The following RGS7 variants were observed in gnomAD, a reference collection of about 807,000 sequenced individuals.
RGS7 encodes regulator of G protein signaling 7, also known as regulator of G-protein signaling 7.
A neutral mutation model predicts 81.1 loss-of-function variants in RGS7; 27 were observed. The ratio of observed to expected loss-of-function variants is 0.33; its 90% confidence interval spans 0.25 to 0.46. RGS7 has a LOEUF of 0.46. Among genes scored for constraint, RGS7 ranks in the 20% least tolerant of loss-of-function variants. RGS7 has a pLI of 1.00. For missense variants in RGS7, 396 were observed against 607.4 expected, an observed-to-expected ratio of 0.65 and a Z score of 3.66; for synonymous variants, 208 against 207.7, an observed-to-expected ratio of 1.00 and a Z score of -0.01.
chr1:241,256,702 G>A (rs1427160180), intron 2 of RGS7, among the ~76,000 whole-genome samples: 2 of 152,240 alleles, frequency 1.3e-5, no homozygotes, highest in Non-Finnish European at 2.9e-5. Context: ...AGAGCACAGG[G>A]AGTGAGAACA....
intron 3 of RGS7, among the ~76,000 whole-genome samples, chr1:241,028,722 T>G (rs1023107710): frequency 6.6e-6 from 1 of 152,020 alleles, no homozygotes; most frequent in Non-Finnish European, 1.5e-5. Context: ...TTAGGATAAG[T>G]TGAAAAGCAA....
intron 2 of RGS7, among the ~76,000 whole-genome samples, chr1:241,166,036 G>A (rs2070203228): frequency 6.6e-6 from 1 of 152,146 alleles, no homozygotes; most frequent in African/African-American, 2.4e-5. Flanking sequence ...AGCCCTCCAG[G>A]TGATTCCGAT....
chr1:240,980,443 A>G (rs747700594), intron 4 of RGS7, among the ~76,000 whole-genome samples: 1 of 152,168 alleles, frequency 6.6e-6, no homozygotes, highest in Non-Finnish European at 1.5e-5. Flanking sequence ...TCAAACGACC[A>G]CTTGGCTACC....
At chr1:240,854,010 C>A (rs1558357129) in intron 9 of RGS7, among the ~76,000 whole-genome samples, 1 of 147,628 alleles carries the variant, frequency 6.8e-6, no homozygotes, top group Non-Finnish European at 1.5e-5. Context: ...CAGGAATGTT[C>A]TCTTGGGAAC....
chr1:240,912,748 AAT>A lies in RGS7; in HGVS notation c.385+17967_385+17968del, dbSNP rs921205395. Among the ~76,000 whole-genome samples, 6 of 151,878 alleles carry A rather than the reference AAT, an allele frequency of 4.0e-5. 1 individual carries two copies. The highest frequency in any genetic ancestry group is 1.4e-4 in the African/African-American group (6 of 41,406). On this transcript the variant is annotated intron_variant, in intron 6 of 18. Coordinates refer to ENST00000440928, the MANE Select transcript of RGS7 (RefSeq NM_001364886.1). ...ACACATAATTTTTAATATATAAATAAATATATATATTTACATTTGCATATTCT... is the reference window on the plus strand; with the variant it reads ...ACACATAATTTTTAATATATAAATAAATATATATTTACATTTGCATATTCT...
chr1:241,323,601 T>A lies in RGS7; in HGVS notation c.78+32098A>T, dbSNP rs1434838495. On this transcript the variant is annotated intron_variant, in intron 2 of 18. Transcript: ENST00000440928. ...AATGAACTACTGTAAGTCAATGATA[T>A]GAACGAGTCCAAGAGACAAAGTAGA... Among the ~76,000 whole-genome samples, 7 of 152,330 alleles carry A rather than the reference T, an allele frequency of 4.6e-5. No individual in the cohort carries two copies. The East Asian group carries it at 1.3e-3, about 29-fold the overall frequency.
At chr1:241,213,278 T>G (rs929415145) in intron 2 of RGS7, among the ~76,000 whole-genome samples, 2 of 152,220 alleles carry the variant, frequency 1.3e-5, no homozygotes, top group Admixed American at 6.5e-5. Context: ...TCTGCTCTAG[T>G]CATTACTTTA....
At chr1:241,294,344 T>C (rs2079266901) in intron 2 of RGS7, among the ~76,000 whole-genome samples, 1 of 152,082 alleles carries the variant, frequency 6.6e-6, no homozygotes, top group African/African-American at 2.4e-5. Flanking sequence ...ACCTAGACGA[T>C]GGGTTGACAG....
At chr1:241,094,460 G>A (rs1012607269) in intron 3 of RGS7, among the ~76,000 whole-genome samples, 1 of 152,114 alleles carries the variant, frequency 6.6e-6, no homozygotes, top group Non-Finnish European at 1.5e-5. Context: ...GGCACTTCTG[G>A]AGAAGAAGGT....
At chr1:241,139,449 A>T (rs910869528) in intron 2 of RGS7, among the ~76,000 whole-genome samples, 2 of 152,240 alleles carry the variant, frequency 1.3e-5, no homozygotes, top group African/African-American at 4.8e-5. Flanking sequence ...ATCATGCTTC[A>T]GCCAACATTA....
At chr1:241,032,472 T>C (rs1230749161) in intron 3 of RGS7, among the ~76,000 whole-genome samples, 1 of 152,208 alleles carries the variant, frequency 6.6e-6, no homozygotes, top group Non-Finnish European at 1.5e-5. Flanking sequence ...TCTTTTTTGG[T>C]TCCATATGAA....
chr1:240,887,231 T>TGTTGTTGTTGTTGTTGCTGCTG (rs775517010), intron 6 of RGS7, among the ~76,000 whole-genome samples: 3,020 of 147,578 alleles, frequency 0.02, 104 homozygotes, highest in African/African-American at 0.074. Context: ...TATAGGTTTT[T>TGTTGTTGTTGTTGTTGCTGCTG]TTTTTTTTTT....
At chr1:240,805,442 T>C (rs1403530661) in intron 15 of RGS7, among the ~76,000 whole-genome samples, 1 of 152,166 alleles carries the variant, frequency 6.6e-6, no homozygotes, top group Non-Finnish European at 1.5e-5. Flanking sequence ...TACAAGTTTA[T>C]TTTTCTTCTT....
At chr1:240,882,444 A>G (rs1047905254) in intron 6 of RGS7, among the ~76,000 whole-genome samples, 1 of 152,184 alleles carries the variant, frequency 6.6e-6, no homozygotes, top group African/African-American at 2.4e-5. Flanking sequence ...AGAGCCTTAA[A>G]TTAACAATCC....
intron 2 of RGS7, among the ~76,000 whole-genome samples, chr1:241,255,798 T>A (rs995981673): frequency 1.3e-5 from 2 of 152,242 alleles, no homozygotes; most frequent in African/African-American, 2.4e-5. Context: ...TACCGCGATG[T>A]GCTTTTCTAA....
chr1:240,966,175 A>G (rs1479757874), intron 4 of RGS7, among the ~76,000 whole-genome samples: 1 of 152,166 alleles, frequency 6.6e-6, no homozygotes, highest in Non-Finnish European at 1.5e-5. Context: ...TATAAAAAAA[A>G]AGTCTGGATA....
chr1:241,091,753 G>T (rs2063900378), intron 3 of RGS7, among the ~76,000 whole-genome samples: 1 of 151,668 alleles, frequency 6.6e-6, no homozygotes, highest in Non-Finnish European at 1.5e-5. Context: ...CAGATGTGTT[G>T]GTGCATGCCT....
intron 2 of RGS7, among the ~76,000 whole-genome samples, chr1:241,147,476 C>A (rs1558128267): frequency 1.3e-5 from 2 of 151,946 alleles, no homozygotes; most frequent in African/African-American, 2.4e-5. Flanking sequence ...TGCTATATGA[C>A]CTTGGGTAAC....
In RGS7 at chr1:240,889,094, C is replaced by A. The variant is rs530379969; in HGVS notation, c.386-18975G>T. Among the ~76,000 whole-genome samples the A allele has an allele frequency of 3.3e-5, 5 of 152,198 alleles. No individual in the cohort carries two copies. The East Asian group carries it at 9.7e-4, about 30-fold the overall frequency. On this transcript the variant is annotated intron_variant, in intron 6 of 18. Transcript: ENST00000440928. Reference sequence around the variant, plus strand: ...GCCTCAGCGTCCCAAGCAGCTGGGACTACAGGCGCCCGCCACCACGCCCGG... The same window carrying A: ...GCCTCAGCGTCCCAAGCAGCTGGGAATACAGGCGCCCGCCACCACGCCCGG...
Sources: gnomAD v4.1 joint callset for allele counts (sites outside exome capture counted in the v4.1 genomes callset) on GRCh38, gnomAD v4.1.1 for gene constraint, MANE v1.5 for transcripts, NCBI Gene and HGNC (gene_info 2026-07-23, HGNC 2026-07-21) for gene names.